The following HNF4A variants were observed in gnomAD, a reference collection of about 807,000 sequenced individuals.
The protein encoded by HNF4A is hepatocyte nuclear factor 4 alpha, also known as hepatocyte nuclear factor 4-alpha.
HNF4A carries 15 observed loss-of-function variants against 52.4 expected under a neutral mutation model. The ratio of observed to expected loss-of-function variants is 0.29; its 90% CI spans 0.19 to 0.44. The LOEUF is 0.44. HNF4A is among the 20% of genes least tolerant of loss of function. The pLI, the probability that HNF4A is intolerant of heterozygous loss-of-function variation, is 1.00. For synonymous variants in HNF4A, 280 were observed against 264.4 expected (o/e 1.06, Z -0.57); for missense variants, 479 against 647.2 (o/e 0.74, Z 2.82).
chr20:44,411,255 C>T (rs2063577204), intron 3 of HNF4A, among the ~76,000 whole-genome samples: 1 of 152,212 alleles, frequency 6.6e-6, no homozygotes, highest in Non-Finnish European at 1.5e-5. Flanking sequence ...CCCAGGAGTT[C>T]CCTGGGAAGA....
Position 44,428,359 on chromosome 20 carries a change from C to T in HNF4A, c.1154C>T (p.Ala385Val), listed in dbSNP as rs200760863. ...GGGTCCCCCAGCGATGCACCCCATG[C>T]CCACCACCCCCTGCACCCTCACCTG... The change falls in exon 9 of 10, where the codon GCC (alanine) becomes GTC (valine). Residue 385 changes from alanine to valine, a missense_variant. Ala to Val is a moderately conservative substitution (Grantham distance 64, BLOSUM62 0). Transcript: ENST00000316099. 60 of 1,614,082 alleles carry T rather than the reference C, an allele frequency of 3.7e-5. No individual in the cohort carries two copies. The East Asian group carries it at 1.3e-3, about 35-fold the overall frequency.
Position 44,404,992 on chromosome 20 carries a change from T to C in HNF4A, c.116-1066T>C, listed in dbSNP as rs868095830. Among the ~76,000 whole-genome samples the C allele has an allele frequency of 6.9e-3, 861 of 124,114 alleles. 19 individuals are homozygous for C. The highest frequency in any genetic ancestry group is 0.025 in the African/African-American group (811 of 32,468). The allele number at this position is 124,114 out of a possible 152,430, so 81.4% of individuals were successfully genotyped here. ...GACTGTGGTGTGTAAGGTGTGTGTG[T>C]GCTTGTGTGTGGTGTGTGCGTGTGT... On this transcript the variant is annotated intron_variant, in intron 1 of 9. Coordinates refer to ENST00000316099, the MANE Select transcript of HNF4A (RefSeq NM_000457.6).
chr20:44,414,567 G>T lies in HNF4A; in HGVS notation c.553G>T (p.Ala185Ser). 1.2e-6 allele frequency: 2 copies of T among 1,614,212 alleles called. No individual in the cohort carries two copies. The highest frequency in any genetic ancestry group is 1.7e-6 in the Non-Finnish European group (2 of 1,180,036). ...TCGGGCGAAGAAGATTGCCAGCATC[G>T]CAGATGTGTGTGAGTCCATGAAGGA... Residue 185 changes from alanine (A) to serine (S), a missense_variant, in exon 5 of 10, where the codon GCA becomes TCA. By Grantham distance (99) the Ala-to-Ser change is moderately conservative (BLOSUM62 1). Coordinates refer to ENST00000316099, the MANE Select transcript of HNF4A (RefSeq NM_000457.6).
At chr20:44,413,659 G>A (rs759529624) in intron 3 of HNF4A, 35 bp from the exon 4 acceptor site, 7 of 1,520,696 alleles carry the variant, frequency 4.6e-6, no homozygotes, top group Non-Finnish European at 6.4e-6. Flanking sequence ...CTCCATCCCT[G>A]TTCTCCCTCC....
intron 1 of HNF4A, among the ~76,000 whole-genome samples, chr20:44,386,672 T>C (rs553075474): frequency 1.3e-5 from 2 of 152,300 alleles, no homozygotes; most frequent in South Asian, 2.1e-4. Context: ...GGAAAAGTGC[T>C]GCTGACATCT....
intron 5 of HNF4A, among the ~76,000 whole-genome samples, chr20:44,416,182 A>T (rs1341251883): frequency 6.6e-6 from 1 of 152,082 alleles, no homozygotes; most frequent in Non-Finnish European, 1.5e-5. Context: ...TGAACCTGGG[A>T]TCAGAAGGGT....
intron 1 of HNF4A, among the ~76,000 whole-genome samples, chr20:44,372,062 C>T (rs1295335576): frequency 3.3e-5 from 5 of 152,142 alleles, no homozygotes; most frequent in Non-Finnish European, 7.4e-5. Flanking sequence ...TGCTCACACC[C>T]TATCTGTTCC....
intron 8 of HNF4A, among the ~76,000 whole-genome samples, chr20:44,426,610 C>T (rs2063817277): frequency 6.6e-6 from 1 of 151,966 alleles, no homozygotes. Flanking sequence ...TCAAGACCAA[C>T]CTGGCAACAC....
chr20:44,414,093 G>C (rs1445568770), intron 4 of HNF4A, among the ~76,000 whole-genome samples: 1 of 152,252 alleles, frequency 6.6e-6, no homozygotes, highest in East Asian at 1.9e-4. Flanking sequence ...CGAGAGAACA[G>C]AGCAGTGGCT....
upstream of HNF4A, among the ~76,000 whole-genome samples, chr20:44,397,644 T>C (rs1028093801): frequency 2.6e-5 from 4 of 152,012 alleles, no homozygotes; most frequent in Non-Finnish European, 5.9e-5. Flanking sequence ...TTTTTTTTTT[T>C]AGACAGAGTC....
chr20:44,406,065 C>T lies in HNF4A; in HGVS notation c.123C>T (p.Ser41=). The change falls in exon 2 of 10, where the codon TCC becomes TCT. Residue 41 remains serine, a synonymous_variant. Coordinates refer to ENST00000316099, the MANE Select transcript of HNF4A (RefSeq NM_000457.6). The stretch of plus-strand genomic sequence containing the variant: ...CCTTCTCTCCTGGCGCAGACACGTC[C>T]CCATCAGAAGGCACCAACCTCAACG... 1 of 1,612,344 alleles carries T rather than the reference C, an allele frequency of 6.2e-7. No individual in the cohort carries two copies. The highest frequency in any genetic ancestry group is 8.5e-7 in the Non-Finnish European group (1 of 1,179,914).
chr20:44,425,522 C>T (rs1482005431), intron 8 of HNF4A, among the ~76,000 whole-genome samples: 1 of 152,092 alleles, frequency 6.6e-6, no homozygotes, highest in Admixed American at 6.5e-5. Context: ...TACATTTTTG[C>T]TTTGAGTAGC....
intron 1 of HNF4A, among the ~76,000 whole-genome samples, chr20:44,395,284 G>A (rs1325790489): frequency 6.6e-6 from 1 of 152,250 alleles, no homozygotes; most frequent in Admixed American, 6.5e-5. Context: ...TCCCCTGACG[G>A]CCTCAGTGTT....
chr20:44,390,202 T>C (rs1429128878), intron 1 of HNF4A, among the ~76,000 whole-genome samples: 1 of 152,104 alleles, frequency 6.6e-6, no homozygotes, highest in Non-Finnish European at 1.5e-5. Context: ...AGGATTACAA[T>C]GCCAATAGGG....
chr20:44,401,412 G>C lies in HNF4A; in HGVS notation c.40G>C (p.Asp14His). Residue 14 changes from aspartate (D) to histidine (H), a missense_variant, in exon 1 of 10, where the codon GAC becomes CAC. Transcript: ENST00000316099. ...AACCCTCGTCGACATGGACATGGCCGACTACAGTGCTGCACTGGACCCAGC... is the reference window on the plus strand; with the variant it reads ...AACCCTCGTCGACATGGACATGGCCCACTACAGTGCTGCACTGGACCCAGC... 4 of 1,614,166 alleles carry C rather than the reference G, an allele frequency of 2.5e-6. No homozygotes were observed. Among genetic ancestry groups the C allele is most frequent in the Non-Finnish European group, 3.4e-6 (4 of 1,180,022 alleles).
chr20:44,418,642 A>C (rs1416966571), intron 6 of HNF4A, 130 bp downstream of exon 6: 2 of 706,406 alleles, frequency 2.8e-6, no homozygotes, highest in African/African-American at 1.7e-5. Context: ...CCCTGTCCTC[A>C]GGCTTGCATT....
intron 1 of HNF4A, among the ~76,000 whole-genome samples, chr20:44,358,483 G>A (rs543318719): frequency 8.2e-4 from 124 of 152,114 alleles, no homozygotes; most frequent in African/African-American, 2.8e-3. Context: ...GATGGCACAC[G>A]CCTGTAATTC....
chr20:44,407,388 C>G lies in HNF4A; in HGVS notation c.298C>G (p.Arg100Gly). 3.7e-6 allele frequency: 6 copies of G among 1,609,780 alleles called. No individual in the cohort carries two copies. Among genetic ancestry groups the G allele is most frequent in the Non-Finnish European group, 5.1e-6 (6 of 1,177,740 alleles). ...ATCCAAAGCCCTCCCCAGATTTAGC[C>G]GGCAGTGCGTGGTGGACAAAGACAA... is the stretch of plus-strand genomic sequence containing the variant. The change falls in exon 3 of 10, where the codon CGG becomes GGG. Residue 100 changes from arginine (R) to glycine (G), a missense_variant. Around this residue, in one of 3 missense-constraint regions of HNF4A, gnomAD observed 389 missense variants for 525.1 expected, o/e 0.74. Coordinates refer to ENST00000316099, the MANE Select transcript of HNF4A (RefSeq NM_000457.6).
intron 1 of HNF4A, among the ~76,000 whole-genome samples, chr20:44,370,843 A>G (rs990936469): frequency 6.6e-6 from 1 of 152,222 alleles, no homozygotes; most frequent in Admixed American, 6.5e-5. Flanking sequence ...CTCTCTCCCC[A>G]GACAGCCACT....
Sources: gnomAD v4.1 joint callset for allele counts (sites outside exome capture counted in the v4.1 genomes callset) on GRCh38, gnomAD v4.1.1 for gene constraint, gnomAD v4.1.1 regional missense constraint, MANE v1.5 for transcripts, NCBI Gene and HGNC (gene_info 2026-07-23, HGNC 2026-07-21) for gene names.